Variants in ITPR2 observed in about 807,000 individuals in gnomAD.
ITPR2 encodes the protein inositol 1,4,5-trisphosphate receptor type 2.
In ITPR2, 207 loss-of-function variants were observed where a neutral mutation model predicts 317.1. The ratio of observed to expected loss-of-function variants is 0.65; its 90% CI spans 0.58 to 0.73. The LOEUF is 0.73. Among genes scored for constraint, ITPR2 ranks in the 30% least tolerant of loss-of-function variants. ITPR2 has a pLI of 0.00. For missense variants in ITPR2, 2,613 were observed against 3,284.0 expected (o/e 0.80, Z 4.99); for synonymous variants, 1,156 against 1,149.1 (o/e 1.01, Z -0.12).
At chr12:26,718,830 T>C (rs1948786500) in intron 5 of ITPR2, among the ~76,000 whole-genome samples, 1 of 152,078 alleles carries the variant, frequency 6.6e-6, no homozygotes, top group South Asian at 2.1e-4. Flanking sequence ...CAGGCTGGTT[T>C]CGAACTCCTA....
intron 21 of ITPR2, among the ~76,000 whole-genome samples, chr12:26,635,202 T>C (rs1286041453): frequency 1.9e-4 from 29 of 152,186 alleles, no homozygotes; most frequent in Admixed American, 1.8e-3. Flanking sequence ...TTTTGCCCTA[T>C]TCAGAAATAA....
At chr12:26,828,110 A>T (rs1951035734) in intron 1 of ITPR2, among the ~76,000 whole-genome samples, 1 of 152,244 alleles carries the variant, frequency 6.6e-6, no homozygotes, top group Admixed American at 6.5e-5. Context: ...ACATGAAAAA[A>T]GAATAAACGA....
intron 34 of ITPR2, among the ~76,000 whole-genome samples, chr12:26,577,478 T>C (rs1420641596): frequency 2.0e-5 from 3 of 152,258 alleles, no homozygotes; most frequent in African/African-American, 7.2e-5. Context: ...TATAGTAAAA[T>C]TTTATTCTCT....
chr12:26,653,672 C>A (rs72480025), intron 21 of ITPR2, among the ~76,000 whole-genome samples: 1 of 151,998 alleles, frequency 6.6e-6, no homozygotes, highest in African/African-American at 2.4e-5. Context: ...AACCACATGA[C>A]CACAAACATC....
At chr12:26,496,462 T>G (rs899127588) in intron 37 of ITPR2, among the ~76,000 whole-genome samples, 1 of 152,202 alleles carries the variant, frequency 6.6e-6, no homozygotes, top group Non-Finnish European at 1.5e-5. Flanking sequence ...CATCTTCTCC[T>G]TAGTTGCACA....
intron 52 of ITPR2, among the ~76,000 whole-genome samples, chr12:26,410,629 T>A (rs1020974462): frequency 6.6e-6 from 1 of 152,210 alleles, no homozygotes; most frequent in African/African-American, 2.4e-5. Context: ...TTTTTGTATA[T>A]GACAACCCTT....
intron 45 of ITPR2, among the ~76,000 whole-genome samples, chr12:26,446,408 T>C (rs2136747159): frequency 6.6e-6 from 1 of 152,246 alleles, no homozygotes; most frequent in East Asian, 1.9e-4. Context: ...TGGAACTCTT[T>C]AAATCTTACA....
chr12:26,557,244 G>A (rs908400399), intron 35 of ITPR2, among the ~76,000 whole-genome samples: 8 of 152,114 alleles, frequency 5.3e-5, no homozygotes, highest in African/African-American at 1.9e-4. Flanking sequence ...AGACCCTATT[G>A]GTCACCTACC....
chr12:26,795,777 A>G (rs1950425950), intron 1 of ITPR2, among the ~76,000 whole-genome samples: 1 of 152,168 alleles, frequency 6.6e-6, no homozygotes, highest in Non-Finnish European at 1.5e-5. Flanking sequence ...CGAGGTCAGG[A>G]GTTCAAGACC....
At chr12:26,656,234 A>C in intron 19 of ITPR2, 63 bp downstream of exon 19, 1 of 1,578,750 alleles carries the variant, frequency 6.3e-7, no homozygotes, top group Non-Finnish European at 8.6e-7. Flanking sequence ...TCAAAACTGT[A>C]GACATTTGAC....
intron 15 of ITPR2, among the ~76,000 whole-genome samples, chr12:26,662,668 T>G (rs1300687222): frequency 6.6e-6 from 1 of 152,358 alleles, no homozygotes; most frequent in East Asian, 1.9e-4. Context: ...AATATTAAGC[T>G]TGTGTTTTGT....
chr12:26,429,988 T>C (rs1941162105), intron 48 of ITPR2, among the ~76,000 whole-genome samples: 1 of 152,222 alleles, frequency 6.6e-6, no homozygotes, highest in African/African-American at 2.4e-5. Context: ...CAAGACCATA[T>C]CTGGTTTGCT....
At chr12:26,813,393 T>C (rs1026485554) in intron 1 of ITPR2, among the ~76,000 whole-genome samples, 1 of 152,206 alleles carries the variant, frequency 6.6e-6, no homozygotes, top group African/African-American at 2.4e-5. Flanking sequence ...TACTTGCATC[T>C]AAGCTAAAAG....
At chr12:26,778,497 G>C (rs12297637) in intron 2 of ITPR2, among the ~76,000 whole-genome samples, 3,822 of 152,318 alleles carry the variant, frequency 0.025, 165 homozygotes, top group African/African-American at 0.086. Context: ...TACCTAGCAT[G>C]CAGCCATTGA....
chr12:26,399,105 G>A (rs1404892670), intron 53 of ITPR2, 64 bp from the exon 54 acceptor site: 10 of 1,158,146 alleles, frequency 8.6e-6, no homozygotes, highest in Admixed American at 6.3e-5. Context: ...GTCTAGCATA[G>A]AGAGTATATT....
At chr12:26,570,837 T>C (rs190074693) in intron 34 of ITPR2, among the ~76,000 whole-genome samples, 30 of 152,304 alleles carry the variant, frequency 2.0e-4, no homozygotes, top group African/African-American at 6.5e-4. Flanking sequence ...CCAAGTGCAT[T>C]AAAAAAATTC....
At chr12:26,523,677 T>C (rs972443178) in intron 37 of ITPR2, among the ~76,000 whole-genome samples, 19 of 152,216 alleles carry the variant, frequency 1.2e-4, no homozygotes, top group Non-Finnish European at 2.1e-4. Context: ...GTATACATAA[T>C]GCAAATATCC....
chr12:26,682,168 C>T (rs894139849), intron 12 of ITPR2, 134 bp from the exon 13 acceptor site: 4 of 680,824 alleles, frequency 5.9e-6, no homozygotes, highest in Non-Finnish European at 9.8e-6. Context: ...CCACATGCAT[C>T]ATCCACTATG....
intron 55 of ITPR2, among the ~76,000 whole-genome samples, chr12:26,353,725 C>A (rs555896132): frequency 4.2e-4 from 64 of 152,320 alleles, no homozygotes; most frequent in Admixed American, 5.2e-4. Context: ...TTGCCTAATA[C>A]TTTGACAGGA....
Sources: gnomAD v4.1 joint callset for allele counts (sites outside exome capture counted in the v4.1 genomes callset) on GRCh38, gnomAD v4.1.1 for gene constraint, MANE v1.5 for transcripts, NCBI Gene and HGNC (gene_info 2026-07-23, HGNC 2026-07-21) for gene names.